Variants in INSC observed in about 807,000 individuals in gnomAD.
The protein encoded by INSC is INSC spindle orientation adaptor protein, also known as protein inscuteable homolog.
A neutral mutation model predicts 58.6 loss-of-function variants in INSC; 67 were observed. The observed-to-expected ratio is 1.14, with a 90% CI of 0.94 to 1.40. The LOEUF is 1.40. Among genes scored for constraint, INSC ranks in the 40% most tolerant of loss-of-function variants. The pLI is 0.00. For synonymous variants in INSC, 262 were observed against 276.1 expected (o/e 0.95, Z 0.51); for missense variants, 714 against 692.0 (o/e 1.03, Z -0.36).
chr11:15,161,336 T>C (rs750374259), intron 2 of INSC, among the ~76,000 whole-genome samples: 2 of 152,186 alleles, frequency 1.3e-5, no homozygotes, highest in African/African-American at 4.8e-5. Context: ...AAAAATGATA[T>C]AGAACACGTC....
At chr11:15,218,518 G>A (rs1437701060) in intron 7 of INSC, among the ~76,000 whole-genome samples, 14 of 151,668 alleles carry the variant, frequency 9.2e-5, no homozygotes, top group Admixed American at 9.2e-4. Flanking sequence ...TAAACATACA[G>A]GTGTTCATTT....
chr11:15,112,024 T>C (rs911385056), upstream of INSC, among the ~76,000 whole-genome samples: 2 of 152,222 alleles, frequency 1.3e-5, no homozygotes, highest in African/African-American at 4.8e-5. Context: ...TGTGTCTGGA[T>C]GTGTCTGGAT....
intron 5 of INSC, among the ~76,000 whole-genome samples, chr11:15,180,450 A>G (rs1849730060): frequency 1.3e-5 from 2 of 152,152 alleles, no homozygotes; most frequent in Non-Finnish European, 2.9e-5. Flanking sequence ...GCTTGCTTGG[A>G]GCCTACTTCC....
downstream of INSC, among the ~76,000 whole-genome samples, chr11:15,248,714 T>C (rs1231950750): frequency 6.6e-6 from 1 of 152,232 alleles, no homozygotes; most frequent in Non-Finnish European, 1.5e-5. Flanking sequence ...GCTCTTCAGA[T>C]AATATATAAT....
At chr11:15,200,685 A>T in intron 6 of INSC, 139 bp from the exon 7 acceptor site, 1 of 991,760 alleles carries the variant, frequency 1.0e-6, no homozygotes, top group South Asian at 1.6e-5. Context: ...AGTGTGTGTA[A>T]GTGTGTGTGG....
chr11:15,233,654 C>T (rs917929359), intron 9 of INSC, among the ~76,000 whole-genome samples: 4 of 152,156 alleles, frequency 2.6e-5, no homozygotes, highest in East Asian at 3.9e-4. Context: ...GTAATGAACC[C>T]GTTGCCGCAG....
chr11:15,187,054 G>A (rs1280589576), intron 5 of INSC, among the ~76,000 whole-genome samples: 2 of 152,154 alleles, frequency 1.3e-5, no homozygotes, highest in Non-Finnish European at 2.9e-5. Flanking sequence ...TGGTGCCATG[G>A]AGGGGATGGC....
At chr11:15,113,143 T>TTCTTTCTTTCTTTCTCTCTC, upstream of INSC, among the ~76,000 whole-genome samples, 729 of 98,542 alleles carry the variant, frequency 7.4e-3, 51 homozygotes, top group Middle Eastern at 0.014. Context: ...CTTTCTTTCT[T>TTCTTTCTTTCTTTCTCTCTC]TCTGTCTCTC....
At chr11:15,113,591 G>A (rs567145784), upstream of INSC, among the ~76,000 whole-genome samples, 46 of 152,198 alleles carry the variant, frequency 3.0e-4, no homozygotes, top group Non-Finnish European at 5.6e-4. Flanking sequence ...CCCAGCCCTA[G>A]ACAGCACTTG....
intron 5 of INSC, among the ~76,000 whole-genome samples, chr11:15,182,697 C>G (rs1484977962): frequency 6.6e-6 from 1 of 152,188 alleles, no homozygotes; most frequent in Non-Finnish European, 1.5e-5. Flanking sequence ...GTCTTCAAAC[C>G]ATTTCAAATG....
chr11:15,228,673 C>T (rs1480300855), intron 9 of INSC, among the ~76,000 whole-genome samples: 1 of 152,196 alleles, frequency 6.6e-6, no homozygotes, highest in Admixed American at 6.5e-5. Flanking sequence ...ATGAGGCTTC[C>T]GGTAATGAAT....
At chr11:15,211,825 A>T (rs952020610) in intron 7 of INSC, among the ~76,000 whole-genome samples, 1 of 152,060 alleles carries the variant, frequency 6.6e-6, no homozygotes, top group Admixed American at 6.5e-5. Context: ...TTTTTTTTTA[A>T]ATAGTGATAC....
At chr11:15,151,592 T>C (rs1252011414) in intron 2 of INSC, among the ~76,000 whole-genome samples, 1 of 143,320 alleles carries the variant, frequency 7.0e-6, no homozygotes, top group Non-Finnish European at 1.6e-5. Context: ...CCTCCTATCT[T>C]TCCATCTGGG....
At chr11:15,225,405 G>A (rs774134927) in intron 8 of INSC, among the ~76,000 whole-genome samples, 1 of 152,148 alleles carries the variant, frequency 6.6e-6, no homozygotes, top group African/African-American at 2.4e-5. Flanking sequence ...CTGACACATA[G>A]TGTTCATTCA....
chr11:15,219,186 A>C (rs549173292), intron 7 of INSC, among the ~76,000 whole-genome samples: 65 of 152,282 alleles, frequency 4.3e-4, no homozygotes, highest in African/African-American at 1.5e-3. Flanking sequence ...GGATACAGGA[A>C]CTTGCTCTTA....
At chr11:15,197,250 A>T (rs1016083163) in intron 6 of INSC, among the ~76,000 whole-genome samples, 1 of 152,208 alleles carries the variant, frequency 6.6e-6, no homozygotes, top group African/African-American at 2.4e-5. Flanking sequence ...GGTCCAAGGG[A>T]TGGAGCAGAC....
At chr11:15,238,894 C>T (rs988565938) in intron 10 of INSC, 25 bp from the exon 11 acceptor site, 1 of 1,608,858 alleles carries the variant, frequency 6.2e-7, no homozygotes, top group Non-Finnish European at 8.5e-7. Flanking sequence ...GGGTAGGTAC[C>T]AACTGTTCCT....
chr11:15,253,214 C>A, the INSC span, among the ~76,000 whole-genome samples: 2 of 152,082 alleles, frequency 1.3e-5, no homozygotes, highest in Non-Finnish European at 2.9e-5. Flanking sequence ...ATATTCCACG[C>A]CCTTTGAATT....
At chr11:15,233,652 C>T (rs1258068900) in intron 9 of INSC, among the ~76,000 whole-genome samples, 2 of 152,164 alleles carry the variant, frequency 1.3e-5, no homozygotes, top group Admixed American at 6.5e-5. Context: ...GTGTAATGAA[C>T]CCGTTGCCGC....
Sources: gnomAD v4.1 joint callset for allele counts (sites outside exome capture counted in the v4.1 genomes callset) on GRCh38, gnomAD v4.1.1 for gene constraint, MANE v1.5 for transcripts, NCBI Gene and HGNC (gene_info 2026-07-23, HGNC 2026-07-21) for gene names.